The following DMD variants were observed in gnomAD, a reference collection of about 807,000 sequenced individuals.
The protein encoded by DMD is mutant dystrophin.
A neutral mutation model predicts 330.1 loss-of-function variants in DMD; 63 were observed. That is an observed-to-expected ratio of 0.19 (90% CI 0.16 to 0.24). The LOEUF is 0.24. DMD is among the 10% of genes least tolerant of loss of function. DMD has a pLI of 1.00. For missense variants in DMD, 3,344 were observed against 2,684.1 expected (o/e 1.25, Z -5.43); for synonymous variants, 1,223 against 959.8 (o/e 1.27, Z -5.07).
intron 7 of DMD, among the ~76,000 whole-genome samples, chrX:32,711,297 C>T (rs780303052): frequency 2.7e-4 from 30 of 111,358 alleles, no homozygotes; most frequent in African/African-American, 9.5e-4. Flanking sequence ...TAGAGCTCTA[C>T]TAGCAGGGGC....
chrX:31,527,320 G>A (rs1310728183), intron 55 of DMD, among the ~76,000 whole-genome samples: 3 of 111,605 alleles, frequency 2.7e-5, no homozygotes, highest in African/African-American at 9.8e-5. Flanking sequence ...CATCCTTCCA[G>A]TTGGACAGGT....
chrX:33,172,997 AT>A (rs762500175), intron 1 of DMD, among the ~76,000 whole-genome samples: 2 of 111,210 alleles, frequency 1.8e-5, no homozygotes, highest in East Asian at 2.8e-4. Context: ...TACTTAACAA[AT>A]TTTTTTTACA....
intron 44 of DMD, among the ~76,000 whole-genome samples, chrX:31,989,430 A>C (rs1455622018): frequency 1.8e-5 from 2 of 112,118 alleles, no homozygotes; most frequent in African/African-American, 6.5e-5. Flanking sequence ...AAATGTTCTT[A>C]AAGCAAATTT....
chrX:32,792,937 C>A (rs933538353), intron 7 of DMD, among the ~76,000 whole-genome samples: 1 of 112,122 alleles, frequency 8.9e-6, no homozygotes, highest in African/African-American at 3.2e-5. Context: ...TGGCTTGAAA[C>A]TGCTCCTTAG....
rs921021510 is a variant in DMD at position 32,987,881 on chromosome X, G to C, written c.93+32258C>G. Among the ~76,000 whole-genome samples the C allele has an allele frequency of 3.7e-5, 4 of 108,745 alleles. No homozygotes were observed. In the South Asian group the frequency reaches 1.6e-3, roughly 44 times the overall value. 94.4% of individuals were successfully genotyped at this position (108,745 alleles called of 115,157 possible). On this transcript the variant is annotated intron_variant, in intron 2 of 78. Coordinates refer to ENST00000357033, the MANE Select transcript of DMD (RefSeq NM_004006.3). Reference sequence around the variant, plus strand: ...ATCCTCCCTGAGTGAGTAATATCTAGTATATATCAGCCACACAATAAAAAA... The same window carrying C: ...ATCCTCCCTGAGTGAGTAATATCTACTATATATCAGCCACACAATAAAAAA...
Position 32,266,461 on chromosome X carries a change from T to A in DMD, c.6290+21068A>T, listed in dbSNP as rs6631530. On this transcript the variant is annotated intron_variant, in intron 43 of 78. Transcript: ENST00000357033. ...CTGAGTTTACTTATTAATGCTAAAC[T>A]GTATTTTTACCTTTTTACTTTTGAA... is the stretch of plus-strand genomic sequence containing the variant. Among the ~76,000 whole-genome samples the A allele has an allele frequency of 0.043, 4,849 of 111,941 alleles. 323 individuals are homozygous for A. In the East Asian group the frequency reaches 0.44, roughly 10 times the overall value.
intron 7 of DMD, among the ~76,000 whole-genome samples, chrX:32,754,248 A>G (rs1004182433): frequency 8.1e-5 from 9 of 111,252 alleles, no homozygotes; most frequent in Admixed American, 6.7e-4. Flanking sequence ...GATGGATACA[A>G]TTATCGCCAT....
chrX:32,640,394 G>C (rs1226021289), intron 11 of DMD, among the ~76,000 whole-genome samples: 3 of 109,936 alleles, frequency 2.7e-5, no homozygotes, highest in East Asian at 5.7e-4. Context: ...AAGTGTTTGA[G>C]AAAGCAAGCC....
At chrX:32,966,380 G>A (rs1347606978) in intron 2 of DMD, among the ~76,000 whole-genome samples, 1 of 111,221 alleles carries the variant, frequency 9.0e-6, no homozygotes, top group Non-Finnish European at 1.9e-5. Flanking sequence ...TGGAGGAGGA[G>A]TCCCAAGTAC....
chrX:32,805,121 G>A (rs775609125), intron 7 of DMD, among the ~76,000 whole-genome samples: 3 of 111,722 alleles, frequency 2.7e-5, no homozygotes, highest in Non-Finnish European at 3.8e-5. Flanking sequence ...TGAGTATGAC[G>A]AATTGACATA....
At chrX:32,532,286 T>G (rs190709224) in intron 17 of DMD, among the ~76,000 whole-genome samples, 111 of 112,272 alleles carry the variant, frequency 9.9e-4, no homozygotes, top group African/African-American at 3.5e-3. Context: ...CAATGATACT[T>G]CAGAATGTAG....
At chrX:32,550,975 C>T (rs1010683985) in intron 16 of DMD, among the ~76,000 whole-genome samples, 11 of 110,263 alleles carry the variant, frequency 1.0e-4, no homozygotes, top group Admixed American at 2.0e-4. Context: ...TAATGAGTTC[C>T]GAAATTAAAT....
chrX:32,654,454 A>C (rs925079704), intron 9 of DMD, among the ~76,000 whole-genome samples: 23 of 111,623 alleles, frequency 2.1e-4, no homozygotes, highest in Non-Finnish European at 3.6e-4. Flanking sequence ...CATTATATTT[A>C]TTGATTTGTG....
rs186390408 is a variant in DMD, at chrX:32,823,282, T to C, written c.357+13A>G. The C allele has an allele frequency of 5.1e-6, 6 of 1,180,035 alleles. No individual in the cohort carries two copies. The highest frequency in any genetic ancestry group is 6.9e-6 in the Non-Finnish European group (6 of 868,385). On this transcript the variant is annotated intron_variant, in intron 5 of 78. Transcript: ENST00000357033. ...ATGTTACCCAAAAGGAAACCATTCA[T>C]CAGGATTCTTACCTGCCAGTGGAGG...
At chrX:32,027,898 A>G (rs2095858243) in intron 44 of DMD, among the ~76,000 whole-genome samples, 1 of 112,302 alleles carries the variant, frequency 8.9e-6, no homozygotes, top group Admixed American at 9.4e-5. Context: ...GTTAAGCCCT[A>G]GGCCGGAAGT....
intron 34 of DMD, among the ~76,000 whole-genome samples, chrX:32,366,676 A>G: frequency 8.9e-6 from 1 of 111,827 alleles, no homozygotes; most frequent in Non-Finnish European, 1.9e-5. Context: ...AATATACCTA[A>G]GTAGTCCTGT....
At chrX:32,747,498 T>A (rs2070200434) in intron 7 of DMD, among the ~76,000 whole-genome samples, 1 of 111,380 alleles carries the variant, frequency 9.0e-6, no homozygotes, top group Admixed American at 9.6e-5. Context: ...TTACTGTATT[T>A]GAAACAAGAT....
At chrX:33,061,251 C>T (rs757080459) in intron 1 of DMD, among the ~76,000 whole-genome samples, 3 of 112,467 alleles carry the variant, frequency 2.7e-5, no homozygotes, top group South Asian at 3.6e-4. Context: ...TTATTTTGCT[C>T]AGGGACACTT....
intron 2 of DMD, among the ~76,000 whole-genome samples, chrX:32,969,583 G>A (rs1387762977): frequency 6.4e-5 from 6 of 93,882 alleles, no homozygotes; most frequent in Admixed American, 3.2e-4. Flanking sequence ...TGGCACAAAC[G>A]CATATTTGTT....
Sources: gnomAD v4.1 joint callset for allele counts (sites outside exome capture counted in the v4.1 genomes callset) on GRCh38, gnomAD v4.1.1 for gene constraint, MANE v1.5 for transcripts, NCBI Gene and HGNC (gene_info 2026-07-23, HGNC 2026-07-21) for gene names.